GPATCH2L: variants seen among roughly 807,000 people sequenced by gnomAD.
GPATCH2L encodes G patch domain-containing protein 2-like.
A neutral mutation model predicts 57.4 loss-of-function variants in GPATCH2L; 31 were observed. The ratio of observed to expected loss-of-function variants is 0.54; its 90% CI spans 0.41 to 0.73. The LOEUF is 0.73. Ranked by LOEUF, GPATCH2L falls within the 30% of genes least tolerant of loss-of-function variation. The pLI, the probability that GPATCH2L is intolerant of heterozygous loss-of-function variation, is 0.00. For missense variants in GPATCH2L, 481 were observed against 599.9 expected (o/e 0.80, Z 2.07); for synonymous variants, 199 against 210.7 (o/e 0.94, Z 0.48).
intron 1 of GPATCH2L, among the ~76,000 whole-genome samples, chr14:76,219,440 T>C (rs1352064963): frequency 6.6e-6 from 1 of 152,200 alleles, no homozygotes; most frequent in African/African-American, 2.4e-5. Flanking sequence ...ATAGATGCTC[T>C]CATACATTGT....
At chr14:76,222,188 G>T (rs949230971) in intron 1 of GPATCH2L, among the ~76,000 whole-genome samples, 9 of 152,194 alleles carry the variant, frequency 5.9e-5, no homozygotes, top group African/African-American at 2.2e-4. Context: ...CCCAGAAAAA[G>T]CCTGGGATTT....
At chr14:76,167,236 G>C (rs1246173297) in intron 3 of GPATCH2L, among the ~76,000 whole-genome samples, 1 of 152,054 alleles carries the variant, frequency 6.6e-6, no homozygotes, top group Non-Finnish European at 1.5e-5. Flanking sequence ...TGTGAATAAG[G>C]CTGGTATAGT....
chr14:76,202,024 G>A lies in GPATCH2L; in HGVS notation c.*173G>A. On this transcript the variant is annotated 3_prime_UTR_variant, in exon 10 of 10. Coordinates refer to ENST00000261530, the MANE Select transcript of GPATCH2L (RefSeq NM_017926.4). ...CTTTCTCTCAGAAGATCATGTTGTG[G>A]GAATCTTTTTTTTAAATAGTGAAAT... 6.0e-6 allele frequency: 3 copies of A among 500,330 alleles called. No individual in the cohort carries two copies. The highest frequency in any genetic ancestry group is 4.1e-5 in the South Asian group (1 of 24,276). The allele number at this position is 500,330 out of a possible 1,614,324, so 31.0% of individuals were successfully genotyped here.
intron 2 of GPATCH2L, among the ~76,000 whole-genome samples, chr14:76,233,001 C>G (rs528553325): frequency 6.6e-6 from 1 of 152,298 alleles, no homozygotes; most frequent in East Asian, 1.9e-4. Flanking sequence ...CAAAGGCACT[C>G]TTACCAGGCA....
intron 3 of GPATCH2L, among the ~76,000 whole-genome samples, chr14:76,168,015 C>A: frequency 6.6e-6 from 1 of 152,160 alleles, no homozygotes; most frequent in Non-Finnish European, 1.5e-5. Context: ...ATAAGGATTC[C>A]TTAGTTTATC....
chr14:76,231,339 C>G (rs1305719016), intron 2 of GPATCH2L, among the ~76,000 whole-genome samples: 3 of 152,174 alleles, frequency 2.0e-5, no homozygotes, highest in Non-Finnish European at 4.4e-5. Context: ...CTAGTGCTGC[C>G]TGTCGCCCTG....
intron 8 of GPATCH2L, among the ~76,000 whole-genome samples, chr14:76,193,434 A>T (rs2040046590): frequency 6.6e-6 from 1 of 152,202 alleles, no homozygotes; most frequent in Non-Finnish European, 1.5e-5. Flanking sequence ...GTATCTTAAT[A>T]TACTTCTTGA....
chr14:76,169,506 G>A (rs1267636841), intron 3 of GPATCH2L, among the ~76,000 whole-genome samples: 3 of 152,174 alleles, frequency 2.0e-5, no homozygotes, highest in Admixed American at 6.5e-5. Flanking sequence ...TCAGGAGCCC[G>A]ATCCACCTAG....
At chr14:76,218,184 A>G (rs537809985), downstream of GPATCH2L, among the ~76,000 whole-genome samples, 4 of 152,318 alleles carry the variant, frequency 2.6e-5, no homozygotes, top group South Asian at 4.1e-4. Flanking sequence ...AATTATCACT[A>G]TTATTTAAAA....
intron 9 of GPATCH2L, among the ~76,000 whole-genome samples, chr14:76,198,096 A>C (rs2360980): frequency 0.51 from 34,021 of 66,434 alleles, 4,494 homozygotes; most frequent in African/African-American, 0.54. Context: ...AAAGACTGTA[A>C]ATGACCATAG....
At chr14:76,186,527 A>T (rs765954368) in intron 8 of GPATCH2L, among the ~76,000 whole-genome samples, 3 of 152,192 alleles carry the variant, frequency 2.0e-5, no homozygotes, top group Non-Finnish European at 4.4e-5. Flanking sequence ...GTATCTGTTG[A>T]TGCTGTGAAG....
At position 76,204,384 on chromosome 14, in the gene GPATCH2L, A is replaced by T. The variant is rs2040351620; in HGVS notation, c.*2533A>T. On this transcript the variant is annotated 3_prime_UTR_variant, in exon 10 of 10. Transcript: ENST00000261530. ...TGAGAGAACAGAATATTAAGCACAC[A>T]AATACTTTCCAACACAGGGTTGTAA... 6.6e-6 allele frequency: 1 copy of T among 152,240 alleles called. No individual in the cohort carries two copies. Among genetic ancestry groups the T allele is most frequent in the Non-Finnish European group, 1.5e-5 (1 of 68,044 alleles). 9.4% of individuals were successfully genotyped at this position (152,240 alleles called of 1,614,324 possible). A position where few individuals can be genotyped will look rare whatever the true frequency, so the allele number is the denominator to read the frequency against.
At chr14:76,172,108 A>G (rs1404421222) in intron 4 of GPATCH2L, 89 bp downstream of exon 4, 4 of 779,912 alleles carry the variant, frequency 5.1e-6, no homozygotes, top group Admixed American at 5.6e-5. Flanking sequence ...TCATGCCTTC[A>G]ATCACACATT....
In GPATCH2L at chr14:76,212,294, TTA is replaced by T. The variant is rs1489803722; in HGVS notation, c.*10446_*10447del. On this transcript the variant is annotated 3_prime_UTR_variant, in exon 10 of 10. Coordinates refer to ENST00000261530, the MANE Select transcript of GPATCH2L (RefSeq NM_017926.4). ...AATGTCAGCAAACACTAATTTCATG[TTA>T]TAAGATTCAGAAAGGTTGAGCAAAA... 4.6e-5 allele frequency: 7 copies of T among 152,046 alleles called. No homozygotes were observed. Among genetic ancestry groups the T allele is most frequent in the Admixed American group, 1.3e-4 (2 of 15,258 alleles). 9.4% of individuals were successfully genotyped at this position (152,046 alleles called of 1,614,324 possible). A position where few individuals can be genotyped will look rare whatever the true frequency, so the allele number is the denominator to read the frequency against.
chr14:76,182,792 T>C (rs1310669743), intron 8 of GPATCH2L, among the ~76,000 whole-genome samples: 1 of 152,022 alleles, frequency 6.6e-6, no homozygotes, highest in Non-Finnish European at 1.5e-5. Flanking sequence ...GGTATGGAAG[T>C]TGACAACTAC....
intron 9 of GPATCH2L, among the ~76,000 whole-genome samples, chr14:76,198,918 C>A (rs2040235249): frequency 6.6e-6 from 1 of 152,122 alleles, no homozygotes; most frequent in Non-Finnish European, 1.5e-5. Context: ...CAGAGTGATT[C>A]CTAATATATT....
At position 76,225,977 on chromosome 14, in the gene GPATCH2L, C is replaced by T. The variant is rs546908671; in HGVS notation, c.66-3831C>T. Among the ~76,000 whole-genome samples the T allele has an allele frequency of 4.3e-4, 66 of 152,266 alleles. 1 individual carries two copies. Among genetic ancestry groups the T allele is most frequent in the Admixed American group, 2.0e-3 (30 of 15,296 alleles). ...TAACACCAACTACTAAGTAAGGATA[C>T]GGAGCAACGAACACTCTCATAAACT... On this transcript the variant is annotated intron_variant and NMD_transcript_variant, in intron 1 of 3. Transcript: ENST00000556372.
chr14:76,172,993 A>T (rs1037708282), intron 4 of GPATCH2L, among the ~76,000 whole-genome samples: 2 of 152,222 alleles, frequency 1.3e-5, no homozygotes, highest in Non-Finnish European at 1.5e-5. Flanking sequence ...AAGAATAGTG[A>T]GAAGAAACTT....
intron 2 of GPATCH2L, among the ~76,000 whole-genome samples, chr14:76,162,179 C>G (rs2038620551): frequency 6.6e-6 from 1 of 152,350 alleles, no homozygotes; most frequent in Admixed American, 6.5e-5. Context: ...CCTCAGTTCT[C>G]TCAAGGCTCG....
Sources: gnomAD v4.1 joint callset for allele counts (sites outside exome capture counted in the v4.1 genomes callset) on GRCh38, gnomAD v4.1.1 for gene constraint, MANE v1.5 for transcripts, NCBI Gene and HGNC (gene_info 2026-07-23, HGNC 2026-07-21) for gene names.